Variants in ZNF33B observed in about 807,000 individuals in gnomAD.
ZNF33B encodes the protein zinc finger protein 33B.
ZNF33B carries 29 observed loss-of-function variants against 45.8 expected under a neutral mutation model. The ratio of observed to expected loss-of-function variants is 0.63; its 90% CI spans 0.47 to 0.86. The LOEUF is 0.86. Among genes scored for constraint, ZNF33B ranks in the 40% least tolerant of loss-of-function variants. The pLI is 0.00. For synonymous variants in ZNF33B, 305 were observed against 307.8 expected (o/e 0.99, Z 0.10); for missense variants, 831 against 909.9 (o/e 0.91, Z 1.12).
intron 1 of ZNF33B, chr10:42,583,013 A>G (rs1836856124): frequency 1.3e-6 from 1 of 741,986 alleles, no homozygotes. Flanking sequence ...GAAGAAGGGA[A>G]GGCCATTGAT....
At chr10:42,587,696 T>C (rs1358802551), downstream of ZNF33B, among the ~76,000 whole-genome samples, 1 of 152,184 alleles carries the variant, frequency 6.6e-6, no homozygotes, top group East Asian at 1.9e-4. Context: ...CCCTGTGGCA[T>C]GTTGGCAAGT....
rs371873916 is a variant in ZNF33B at position 42,593,675 on chromosome 10, T to G, written c.1275A>C (p.Lys425Asn). ...TTCTCTGATGTTTAGTGAGGTCAGA[T>G]TTCTGGTAAAAAGTTTTCCCACATG... ...CNACGKTFYQ[K>N]SDLTKHQRTH... Residue 425 changes from lysine (K) to asparagine (N), a missense_variant, in exon 5 of 5, where the codon AAA becomes AAC. Lys to Asn is a moderately conservative substitution (Grantham distance 94). Coordinates refer to ENST00000359467, the MANE Select transcript of ZNF33B (RefSeq NM_006955.3). 1.2e-5 allele frequency: 19 copies of G among 1,613,022 alleles called. No individual in the cohort carries two copies. The highest frequency in any genetic ancestry group is 1.5e-5 in the Non-Finnish European group (18 of 1,179,480).
At position 42,592,469 on chromosome 10, in the gene ZNF33B, C is replaced by T. The variant is rs1837169994; in HGVS notation, c.*144G>A. 8.5e-6 allele frequency: 10 copies of T among 1,177,266 alleles called. No homozygotes were observed. Among genetic ancestry groups the T allele is most frequent in the Non-Finnish European group, 1.2e-5 (10 of 829,550 alleles). The allele number at this position is 1,177,266 out of a possible 1,614,324, so 72.9% of individuals were successfully genotyped here. A position where few individuals can be genotyped will look rare whatever the true frequency, so the allele number is the denominator to read the frequency against. On this transcript the variant is annotated 3_prime_UTR_variant, in exon 5 of 5. Transcript: ENST00000359467. Reference sequence around the variant, plus strand: ...AGTTGTTGTAGTCTATGGGTTTATCCCCTACTGTTACTTTGGAGTAACATA... The same window carrying T: ...AGTTGTTGTAGTCTATGGGTTTATCTCCTACTGTTACTTTGGAGTAACATA...
At position 42,589,642 on chromosome 10, in the gene ZNF33B, T is replaced by C. The variant is rs1301400843; in HGVS notation, c.*2971A>G. On this transcript the variant is annotated 3_prime_UTR_variant, in exon 5 of 5. Coordinates refer to ENST00000359467, the MANE Select transcript of ZNF33B (RefSeq NM_006955.3). ...TGATGTCTAATTCTTTTTTATCATA[T>C]ACCTGAGGACTACATTCTACAACCC... The C allele has an allele frequency of 6.8e-6, 1 of 147,996 alleles. No homozygotes were observed. The highest frequency in any genetic ancestry group is 1.5e-5 in the Non-Finnish European group (1 of 67,734). 9.2% of individuals were successfully genotyped at this position (147,996 alleles called of 1,614,324 possible). A position where few individuals can be genotyped will look rare whatever the true frequency, so the allele number is the denominator to read the frequency against.
At chr10:42,614,757 C>T (rs1473653946) in intron 4 of ZNF33B, among the ~76,000 whole-genome samples, 2 of 152,100 alleles carry the variant, frequency 1.3e-5, no homozygotes, top group Non-Finnish European at 1.5e-5. Flanking sequence ...AGTTCAAGAC[C>T]AGCCTGGCCA....
intron 2 of ZNF33B, among the ~76,000 whole-genome samples, chr10:42,636,076 C>T (rs1295264764): frequency 2.6e-5 from 4 of 151,910 alleles, no homozygotes; most frequent in Non-Finnish European, 5.9e-5. Flanking sequence ...TTTCAGTGAG[C>T]CAAGATCGTG....
chr10:42,603,223 ATG>A (rs1837699749), intron 4 of ZNF33B, among the ~76,000 whole-genome samples: 1 of 152,198 alleles, frequency 6.6e-6, no homozygotes, highest in Admixed American at 6.5e-5. Context: ...ATCCCGAATA[ATG>A]GAGCAGGACT....
At chr10:42,612,510 A>G (rs1250007080) in intron 4 of ZNF33B, among the ~76,000 whole-genome samples, 2 of 152,204 alleles carry the variant, frequency 1.3e-5, no homozygotes, top group African/African-American at 4.8e-5. Flanking sequence ...TGCTGGGATT[A>G]CAGGCGTAAT....
At position 42,613,786 on chromosome 10, in the gene ZNF33B, T is replaced by C. The variant is rs562351674; in HGVS notation, c.250+18143A>G. 1.8e-4 allele frequency among the ~76,000 whole-genome samples: 28 copies of C among 152,352 alleles called. 3 individuals are homozygous for C. Among genetic ancestry groups the C allele is most frequent in the African/African-American group, 6.5e-4 (27 of 41,590 alleles). On this transcript the variant is annotated intron_variant, in intron 4 of 4. Coordinates refer to ENST00000359467, the MANE Select transcript of ZNF33B (RefSeq NM_006955.3). The stretch of plus-strand genomic sequence containing the variant: ...TGGTTTATGCACATGTGTGTTTCCC[T>C]GTTCTGTCAGCTGAGACAGCCACAC...
downstream of ZNF33B, among the ~76,000 whole-genome samples, chr10:42,586,365 G>A (rs28454399): frequency 0.072 from 10,886 of 152,048 alleles, 748 homozygotes; most frequent in African/African-American, 0.17. Flanking sequence ...TAGCCAGGAT[G>A]GTCTCGATCT....
downstream of ZNF33B, among the ~76,000 whole-genome samples, chr10:42,586,557 GATTAACT>G (rs1836940151): frequency 6.6e-6 from 1 of 152,180 alleles, no homozygotes; most frequent in Non-Finnish European, 1.5e-5. Context: ...CCAACCTTCA[GATTAACT>G]ATTAACTGGG....
At chr10:42,582,983 C>T (rs1836855516) in intron 1 of ZNF33B, 2 of 672,218 alleles carry the variant, frequency 3.0e-6, no homozygotes, top group Non-Finnish European at 5.5e-6. Context: ...ACCATCCCCA[C>T]CTCATGGGAA....
intron 4 of ZNF33B, among the ~76,000 whole-genome samples, chr10:42,617,975 C>T (rs1234739123): frequency 1.3e-5 from 2 of 152,180 alleles, no homozygotes; most frequent in African/African-American, 4.8e-5. Context: ...TGTGTGTGCT[C>T]ACCCTACCCC....
chr10:42,625,035 A>C (rs937931287), intron 4 of ZNF33B, among the ~76,000 whole-genome samples: 3 of 66,358 alleles, frequency 4.5e-5, no homozygotes, highest in African/African-American at 1.3e-4. Context: ...ATTGTTTCAT[A>C]TTTTATATAT....
chr10:42,578,885 T>A (rs1281742243), intron 1 of ZNF33B, among the ~76,000 whole-genome samples: 1 of 152,218 alleles, frequency 6.6e-6, no homozygotes, highest in African/African-American at 2.4e-5. Flanking sequence ...TTCTAGGAAA[T>A]GTTGGCGGAT....
chr10:42,635,108 G>T (rs185244918), intron 2 of ZNF33B, among the ~76,000 whole-genome samples: 1 of 152,218 alleles, frequency 6.6e-6, no homozygotes, highest in East Asian at 1.9e-4. Context: ...AGGTGTGATG[G>T]CATGTGCCTG....
At chr10:42,599,437 TCATACATGTGTATATTACATA>T in intron 4 of ZNF33B, among the ~76,000 whole-genome samples, 2 of 150,596 alleles carry the variant, frequency 1.3e-5, no homozygotes, top group Middle Eastern at 3.4e-3. Flanking sequence ...AAGTTAAACT[TCATACATGTGTATATTACATA>T]TATACATATG....
Position 42,632,420 on chromosome 10 carries a change from C to A in ZNF33B, c.29G>T (p.Gly10Val), listed in dbSNP as rs1158534791. ...AGTCACATCTTTAAATGATACTGAC[C>A]CCTGGAACTTCTGATCTACCTGAAA... MNKVDQKFQ[G>V]SVSFKDVTVG... Residue 10 changes from glycine (G) to valine (V), a missense_variant, in exon 3 of 5, where the codon GGG (glycine) becomes GTG (valine). Transcript: ENST00000359467. 1.2e-5 allele frequency: 19 copies of A among 1,613,346 alleles called. No individual in the cohort carries two copies. The highest frequency in any genetic ancestry group is 1.5e-5 in the Non-Finnish European group (18 of 1,179,846).
chr10:42,579,138 TCA>T (rs1347984570), intron 1 of ZNF33B, among the ~76,000 whole-genome samples: 1 of 152,170 alleles, frequency 6.6e-6, no homozygotes, highest in Non-Finnish European at 1.5e-5. Context: ...TCCTACCACA[TCA>T]TGGTTCATCC....
Sources: allele counts gnomAD v4.1 joint callset (sites outside exome capture counted in the v4.1 genomes callset), GRCh38; gene constraint gnomAD v4.1.1; transcripts MANE v1.5; gene names NCBI Gene and HGNC (gene_info 2026-07-23, HGNC 2026-07-21).